Variants in TYW1B observed in about 807,000 individuals in gnomAD.
The protein encoded by TYW1B is tRNA-yW synthesizing protein 1 homolog B, also known as S-adenosyl-L-methionine-dependent tRNA 4-demethylwyosine synthase TYW1B.
TYW1B carries 73 observed loss-of-function variants against 86.9 expected under a neutral mutation model. The observed-to-expected ratio is 0.84, with a 90% CI of 0.70 to 1.02. The LOEUF is 1.02. TYW1B is among the 50% of genes least tolerant of loss of function. The probability of loss-of-function intolerance (pLI) is 0.00; values close to 1 mark genes in which losing one functional copy is unlikely to be tolerated. For missense variants in TYW1B, 637 were observed against 827.4 expected (o/e 0.77, Z 2.82); for synonymous variants, 248 against 292.8 (o/e 0.85, Z 1.56).
intron 13 of TYW1B, among the ~76,000 whole-genome samples, chr7:72,586,857 G>A (rs1811290193): frequency 6.6e-6 from 1 of 152,054 alleles, no homozygotes; most frequent in South Asian, 2.1e-4. Context: ...CCTCCTAGAA[G>A]CTGAGGGCAA....
At chr7:72,731,901 C>A (rs2129571096) in intron 8 of TYW1B, among the ~76,000 whole-genome samples, 1 of 152,228 alleles carries the variant, frequency 6.6e-6, no homozygotes, top group African/African-American at 2.4e-5. Context: ...GATTGTGCCA[C>A]TGCACTCCAG....
chr7:72,591,376 C>T (rs1292507836), intron 13 of TYW1B, among the ~76,000 whole-genome samples: 2 of 151,994 alleles, frequency 1.3e-5, no homozygotes, highest in South Asian at 2.1e-4. Context: ...CTAAAAAAGA[C>T]ACACACCAAG....
chr7:72,802,500 G>A lies in TYW1B; in HGVS notation c.746C>T (p.Ser249Phe). 6.2e-7 allele frequency: 1 copy of A among 1,613,834 alleles called. No homozygotes were observed. Among genetic ancestry groups the A allele is most frequent in the Non-Finnish European group, 8.5e-7 (1 of 1,179,838 alleles). ...DTKEEEPFESSSEEEFGGEDH... is the reference protein window; with the variant it reads ...DTKEEEPFESFSEEEFGGEDH... ...CTCACCACCAAACTCTTCTTCACTG[G>A]AGCTCTCGAAGGGTTCTTCCTCCTG... is the stretch of plus-strand genomic sequence containing the variant. The change falls in exon 6 of 14, where the codon TCC (serine) becomes TTC (phenylalanine). Residue 249 changes from serine (S) to phenylalanine (F), a missense_variant. Physicochemically the swap from Ser to Phe is radical, Grantham distance 155. Coordinates refer to ENST00000620995, the MANE Select transcript of TYW1B (RefSeq NM_001145440.3).
chr7:72,744,687 A>T, intron 7 of TYW1B, 86 bp from the exon 8 acceptor site: 2 of 1,395,566 alleles, frequency 1.4e-6, no homozygotes, highest in Non-Finnish European at 2.0e-6. Context: ...AAGAGAAACC[A>T]TGTGTTTCGT....
intron 7 of TYW1B, among the ~76,000 whole-genome samples, chr7:72,774,377 A>AG (rs1278560655): frequency 3.6e-3 from 303 of 84,804 alleles, no homozygotes; most frequent in Admixed American, 8.0e-3. Flanking sequence ...ACCTTGTCCC[A>AG]GGGGAAAAAA....
chr7:72,616,090 A>C (rs782197380), intron 13 of TYW1B, among the ~76,000 whole-genome samples: 3 of 152,216 alleles, frequency 2.0e-5, no homozygotes, highest in Non-Finnish European at 4.4e-5. Context: ...AAAATTAGCA[A>C]ATTATTTTAG....
intron 1 of TYW1B, 110 bp from the exon 2 acceptor site, chr7:72,827,095 G>C: frequency 7.3e-7 from 1 of 1,364,994 alleles, no homozygotes; most frequent in South Asian, 1.5e-5. Flanking sequence ...CAACAACCCA[G>C]CTAAGAAATC....
At chr7:72,766,450 C>T (rs1787770890) in intron 7 of TYW1B, among the ~76,000 whole-genome samples, 1 of 151,158 alleles carries the variant, frequency 6.6e-6, no homozygotes, top group South Asian at 2.1e-4. Flanking sequence ...CCTGTCTCTA[C>T]TGAAAATATA....
intron 6 of TYW1B, among the ~76,000 whole-genome samples, chr7:72,801,689 G>C (rs1340059689): frequency 6.6e-6 from 1 of 152,062 alleles, no homozygotes; most frequent in Non-Finnish European, 1.5e-5. Context: ...GAATCTGCAT[G>C]AAATCCTACT....
At chr7:72,697,403 C>T (rs572738137) in intron 10 of TYW1B, among the ~76,000 whole-genome samples, 3 of 152,030 alleles carry the variant, frequency 2.0e-5, no homozygotes, top group East Asian at 3.9e-4. Flanking sequence ...CGTCAAGGAG[C>T]AGAGGAAGAA....
intron 13 of TYW1B, among the ~76,000 whole-genome samples, chr7:72,595,561 T>C (rs1472221463): frequency 6.6e-6 from 1 of 152,068 alleles, no homozygotes; most frequent in Non-Finnish European, 1.5e-5. Flanking sequence ...CATGCACTTG[T>C]AGTCCCAGCT....
intron 3 of TYW1B, among the ~76,000 whole-genome samples, chr7:72,811,037 T>C (rs13221739): frequency 0.31 from 46,568 of 151,430 alleles, 8,190 homozygotes; most frequent in East Asian, 0.51. Context: ...TTTGGGAGGC[T>C]GAGGCGGGCG....
intron 13 of TYW1B, among the ~76,000 whole-genome samples, chr7:72,587,304 C>G (rs1811298217): frequency 6.6e-6 from 1 of 152,126 alleles, no homozygotes; most frequent in Non-Finnish European, 1.5e-5. Flanking sequence ...CTAGACAGAG[C>G]CAATTAATCA....
chr7:72,679,287 T>C (rs1206665548), intron 11 of TYW1B, among the ~76,000 whole-genome samples: 1 of 152,190 alleles, frequency 6.6e-6, no homozygotes, highest in Non-Finnish European at 1.5e-5. Flanking sequence ...CACAGGTTAG[T>C]TCCGAAAGAA....
chr7:72,703,854 C>CA (rs1200304670), intron 10 of TYW1B, among the ~76,000 whole-genome samples: 490 of 87,074 alleles, frequency 5.6e-3, no homozygotes, highest in African/African-American at 0.015. Flanking sequence ...GACCCTGTCT[C>CA]AAAAAAAAAA....
intron 11 of TYW1B, among the ~76,000 whole-genome samples, chr7:72,666,325 C>T (rs34786686): frequency 6.6e-6 from 1 of 151,970 alleles, no homozygotes; most frequent in African/African-American, 2.4e-5. Flanking sequence ...ATTTGGGAGG[C>T]TGAGGTGGGA....
chr7:72,623,813 T>A (rs1812281225), intron 12 of TYW1B, among the ~76,000 whole-genome samples: 1 of 152,206 alleles, frequency 6.6e-6, no homozygotes, highest in Non-Finnish European at 1.5e-5. Flanking sequence ...TTTATTAATT[T>A]TTTTTTGAGA....
intron 11 of TYW1B, among the ~76,000 whole-genome samples, chr7:72,634,166 C>T (rs1176955299): frequency 6.6e-6 from 1 of 151,896 alleles, no homozygotes; most frequent in Non-Finnish European, 1.5e-5. Flanking sequence ...CTCTCTCTCC[C>T]TCTCCCCACC....
intron 2 of TYW1B, among the ~76,000 whole-genome samples, chr7:72,818,011 C>G (rs1396754127): frequency 6.6e-6 from 1 of 151,624 alleles, no homozygotes; most frequent in African/African-American, 2.4e-5. Context: ...CTCTACTTTC[C>G]TACCTCAGCT....
Sources: gnomAD v4.1 joint callset for allele counts (sites outside exome capture counted in the v4.1 genomes callset) on GRCh38, gnomAD v4.1.1 for gene constraint, MANE v1.5 for transcripts, NCBI Gene and HGNC (gene_info 2026-07-23, HGNC 2026-07-21) for gene names.